Variants in PCDHA1 observed in about 807,000 individuals in gnomAD.
PCDHA1 encodes protocadherin alpha-1.
A neutral mutation model predicts 61.3 loss-of-function variants in PCDHA1; 42 were observed. The ratio of observed to expected loss-of-function variants is 0.69; its 90% CI spans 0.54 to 0.89. The LOEUF (loss-of-function observed/expected upper bound fraction) is 0.89, where lower values mean the gene tolerates loss of function less well. PCDHA1 is among the 40% of genes least tolerant of loss of function. The pLI is 0.00. For missense variants in PCDHA1, 1,256 were observed against 1,235.3 expected (o/e 1.02, Z -0.25); for synonymous variants, 610 against 553.8 (o/e 1.10, Z -1.43).
chr5:140,926,798 C>G, intron 1 of PCDHA1: 2 of 1,455,342 alleles, frequency 1.4e-6, no homozygotes, highest in Non-Finnish European at 1.8e-6. Flanking sequence ...GGAGCGTGCT[C>G]TTCCCCGCGG....
chr5:140,907,598 A>G (rs2073483512), intron 1 of PCDHA1, among the ~76,000 whole-genome samples: 1 of 152,198 alleles, frequency 6.6e-6, no homozygotes, highest in Admixed American at 6.5e-5. Context: ...CACCCTGAGG[A>G]ATGGTGCCAT....
chr5:140,788,041 T>G lies in PCDHA1; in HGVS notation c.1751T>G (p.Leu584Trp), dbSNP rs1554118094. ...IGAVSELVPRLVGAGHVVAKV... is the reference protein window; with the variant it reads ...IGAVSELVPRWVGAGHVVAKV... ...GCAGTCAGTGAGCTGGTGCCGCGAT[T>G]GGTGGGTGCGGGTCATGTGGTGGCG... The change falls in exon 1 of 4, where the codon TTG becomes TGG. Residue 584 changes from leucine to tryptophan, a missense_variant. Coordinates refer to ENST00000504120, the MANE Select transcript of PCDHA1 (RefSeq NM_018900.4). The G allele has an allele frequency of 1.1e-5, 18 of 1,613,922 alleles. No homozygotes were observed. The highest frequency in any genetic ancestry group is 1.4e-5 in the Non-Finnish European group (17 of 1,179,868).
chr5:140,987,225 A>AT (rs1451600480), intron 3 of PCDHA1, among the ~76,000 whole-genome samples: 11 of 143,044 alleles, frequency 7.7e-5, no homozygotes, highest in Non-Finnish European at 1.0e-4. Context: ...AAAAAAAAAA[A>AT]AATAATAAAT....
intron 1 of PCDHA1, among the ~76,000 whole-genome samples, chr5:140,937,039 C>CTTT (rs34994034): frequency 3.6e-5 from 5 of 140,162 alleles, no homozygotes; most frequent in African/African-American, 5.3e-5. Context: ...TTCCATTTAT[C>CTTT]TTTTTTTTTT....
chr5:140,972,386 A>G (rs2096534472), intron 1 of PCDHA1, among the ~76,000 whole-genome samples: 1 of 148,802 alleles, frequency 6.7e-6, no homozygotes, highest in African/African-American at 2.5e-5. Flanking sequence ...GTATTTGTTT[A>G]TTTGCTTCAC....
In PCDHA1 at chr5:140,807,588, C is replaced by T. The variant is rs146575746; in HGVS notation, c.2394+18904C>T. The T allele has an allele frequency of 5.2e-3, 8,452 of 1,614,134 alleles. 639 individuals are homozygous for T. In the Admixed American group the frequency reaches 0.13, roughly 25 times the overall value. On this transcript the variant is annotated intron_variant, in intron 1 of 3. Coordinates refer to ENST00000504120, the MANE Select transcript of PCDHA1 (RefSeq NM_018900.4). Reference sequence around the variant, plus strand: ...ATTAACGATAACCCGCCGGTGTTCCCAGCAACACAAAAGAACCTGTCCATC... The same window carrying T: ...ATTAACGATAACCCGCCGGTGTTCCTAGCAACACAAAAGAACCTGTCCATC...
intron 1 of PCDHA1, among the ~76,000 whole-genome samples, chr5:140,872,606 A>AT (rs1302987061): frequency 6.6e-6 from 1 of 151,888 alleles, no homozygotes; most frequent in Non-Finnish European, 1.5e-5. Context: ...TGAAAAAATA[A>AT]TTTTTTTTGC....
At chr5:140,966,502 G>C in intron 1 of PCDHA1, 1 of 433,894 alleles carries the variant, frequency 2.3e-6, no homozygotes, top group Non-Finnish European at 4.0e-6. Flanking sequence ...GAGCTGTAGC[G>C]GCAGCAGCAG....
At chr5:140,886,515 G>C (rs1554182564) in intron 1 of PCDHA1, among the ~76,000 whole-genome samples, 1 of 151,972 alleles carries the variant, frequency 6.6e-6, no homozygotes, top group East Asian at 1.9e-4. Context: ...TGGATTTTAA[G>C]GTCTGCATAT....
intron 1 of PCDHA1, chr5:140,835,759 A>T: frequency 6.2e-7 from 1 of 1,613,356 alleles, no homozygotes; most frequent in South Asian, 1.1e-5. Context: ...GCGCAGCCCG[A>T]GTATACGGTG....
chr5:140,876,334 A>T (rs782377581), intron 1 of PCDHA1: 3 of 1,614,030 alleles, frequency 1.9e-6, no homozygotes, highest in Admixed American at 1.7e-5. Context: ...TTTGCCAGTG[A>T]GTGAGAAATG....
In PCDHA1 at chr5:140,845,842, G is replaced by A. The variant is rs2150381678; in HGVS notation, c.2394+57158G>A. On this transcript the variant is annotated intron_variant, in intron 1 of 3. Coordinates refer to ENST00000504120, the MANE Select transcript of PCDHA1 (RefSeq NM_018900.4). ...AATTTAGTTATTACCATTCTTAAGA[G>A]AAAAGAAGTTAGTGATTGCAGAAAG... Among the ~76,000 whole-genome samples the A allele has an allele frequency of 1.1e-4, 17 of 149,848 alleles. 1 individual carries two copies. Among genetic ancestry groups the A allele is most frequent in the African/African-American group, 4.1e-4 (17 of 40,984 alleles).
At chr5:140,874,890 C>A (rs150583747) in intron 1 of PCDHA1, among the ~76,000 whole-genome samples, 2 of 152,276 alleles carry the variant, frequency 1.3e-5, no homozygotes, top group Admixed American at 1.3e-4. Context: ...TCCTAACTTT[C>A]TCTAAAATCT....
intron 1 of PCDHA1, among the ~76,000 whole-genome samples, chr5:140,909,495 G>A (rs532080413): frequency 7.2e-5 from 11 of 152,278 alleles, no homozygotes; most frequent in African/African-American, 2.6e-4. Context: ...AGCTGAACGG[G>A]GATGTGGTGG....
At position 140,787,444 on chromosome 5, in the gene PCDHA1, T is replaced by C; in HGVS notation, c.1154T>C (p.Val385Ala). ...SDRDSGANGQ[V>A]TCSLMPHVPF... is the part of the protein sequence containing the mutation. ...CGTGACTCAGGTGCCAACGGGCAGG[T>C]GACTTGCTCCTTAATGCCCCACGTC... The change falls in exon 1 of 4, where the codon GTG becomes GCG. Residue 385 changes from valine (V) to alanine (A), a missense_variant. Transcript: ENST00000504120. The C allele has an allele frequency of 6.2e-7, 1 of 1,614,208 alleles. No individual in the cohort carries two copies. The highest frequency in any genetic ancestry group is 2.2e-5 in the East Asian group (1 of 44,874).
chr5:140,796,980 T>C, intron 1 of PCDHA1: 1 of 1,613,744 alleles, frequency 6.2e-7, no homozygotes, highest in Non-Finnish European at 8.5e-7. Flanking sequence ...TGGTGGAAAG[T>C]GGCCAGGCAC....
intron 3 of PCDHA1, among the ~76,000 whole-genome samples, chr5:140,995,186 A>T (rs2097669011): frequency 6.6e-6 from 1 of 152,132 alleles, no homozygotes; most frequent in Non-Finnish European, 1.5e-5. Flanking sequence ...ACCTATGATA[A>T]AGTTTAATTT....
chr5:140,833,460 T>A (rs1440945863), intron 1 of PCDHA1, among the ~76,000 whole-genome samples: 1 of 152,148 alleles, frequency 6.6e-6, no homozygotes, highest in African/African-American at 2.4e-5. Context: ...AAAATAAACT[T>A]ACATTTTAAA....
At chr5:140,808,713 C>G in intron 1 of PCDHA1, 8 of 1,612,214 alleles carry the variant, frequency 5.0e-6, no homozygotes, top group Non-Finnish European at 6.8e-6. Flanking sequence ...AGCTACGTTT[C>G]GGTGCATGCG....
Sources: allele counts gnomAD v4.1 joint callset (sites outside exome capture counted in the v4.1 genomes callset), GRCh38; gene constraint gnomAD v4.1.1; transcripts MANE v1.5; gene names NCBI Gene and HGNC (gene_info 2026-07-23, HGNC 2026-07-21).